PARD3: variants seen among roughly 807,000 people sequenced by gnomAD.
PARD3 encodes partitioning defective 3 homolog.
A neutral mutation model predicts 155.4 loss-of-function variants in PARD3; 75 were observed. The observed-to-expected ratio is 0.48, with a 90% confidence interval of 0.40 to 0.58. PARD3 has a LOEUF of 0.58. Among genes scored for constraint, PARD3 ranks in the 20% least tolerant of loss-of-function variants. The pLI is 0.00. For synonymous variants in PARD3, 576 were observed against 610.5 expected (o/e 0.94, Z 0.83); for missense variants, 1,642 against 1,721.7 (o/e 0.95, Z 0.82).
intron 3 of PARD3, among the ~76,000 whole-genome samples, chr10:34,499,491 TGAA>T (rs1000161559): frequency 2.0e-5 from 3 of 152,032 alleles, no homozygotes; most frequent in African/African-American, 7.2e-5. Context: ...GTATACAAAT[TGAA>T]ACAGATTTTT....
At chr10:34,423,310 G>T (rs540822869) in intron 5 of PARD3, among the ~76,000 whole-genome samples, 2 of 152,160 alleles carry the variant, frequency 1.3e-5, no homozygotes, top group Admixed American at 6.5e-5. Flanking sequence ...TGGTTACCTG[G>T]GGTTAGGGGG....
At chr10:34,312,280 ATTGT>A (rs1399001435) in intron 20 of PARD3, 45 of 1,605,636 alleles carry the variant, frequency 2.8e-5, no homozygotes, top group Non-Finnish European at 3.3e-5. Flanking sequence ...AAGTAAATTT[ATTGT>A]TTGTTTAAAA....
intron 3 of PARD3, among the ~76,000 whole-genome samples, chr10:34,478,834 C>T (rs1343534592): frequency 6.6e-6 from 1 of 152,104 alleles, no homozygotes; most frequent in Non-Finnish European, 1.5e-5. Flanking sequence ...TGAATATATG[C>T]AATTTTCTAA....
At chr10:34,805,645 A>T (rs540344621) in intron 1 of PARD3, among the ~76,000 whole-genome samples, 1 of 151,360 alleles carries the variant, frequency 6.6e-6, no homozygotes, top group Non-Finnish European at 1.5e-5. Flanking sequence ...TCTGAGCATG[A>T]TGTGATTTAC....
chr10:34,372,924 AACAGTTTGAACC>A (rs1239555023), intron 11 of PARD3, among the ~76,000 whole-genome samples: 2 of 152,168 alleles, frequency 1.3e-5, no homozygotes, highest in African/African-American at 2.4e-5. Context: ...ACCAGATAAT[AACAGTTTGAACC>A]ACAGTCTGAA....
chr10:34,261,721 G>A (rs7908019), intron 22 of PARD3, among the ~76,000 whole-genome samples: 55,102 of 103,340 alleles, frequency 0.53, 12,920 homozygotes, highest in Middle Eastern at 0.63. Flanking sequence ...AGGAAGAAAG[G>A]AAGAAAGGAA....
intron 22 of PARD3, among the ~76,000 whole-genome samples, chr10:34,177,408 A>G (rs1176609117): frequency 6.6e-6 from 1 of 152,168 alleles, no homozygotes; most frequent in African/African-American, 2.4e-5. Flanking sequence ...ATCTGATGGA[A>G]TAAGATAAAA....
chr10:34,349,268 G>T (rs1056780875), intron 14 of PARD3, among the ~76,000 whole-genome samples: 1 of 151,974 alleles, frequency 6.6e-6, no homozygotes, highest in Non-Finnish European at 1.5e-5. Context: ...ATGAAGTTTC[G>T]AATTGTAGAC....
chr10:34,232,131 T>C (rs1952965844), intron 22 of PARD3, among the ~76,000 whole-genome samples: 1 of 152,140 alleles, frequency 6.6e-6, no homozygotes, highest in South Asian at 2.1e-4. Context: ...AGGTTAATGC[T>C]GCTGAGATAA....
chr10:34,542,626 C>A (rs1314737084), intron 2 of PARD3, among the ~76,000 whole-genome samples: 1 of 152,166 alleles, frequency 6.6e-6, no homozygotes, highest in African/African-American at 2.4e-5. Context: ...TTGCCTTAAG[C>A]AAAATCTGAT....
intron 22 of PARD3, among the ~76,000 whole-genome samples, chr10:34,172,536 T>A (rs1276659434): frequency 6.6e-6 from 1 of 152,104 alleles, no homozygotes; most frequent in African/African-American, 2.4e-5. Flanking sequence ...CTTTTAAAAA[T>A]GCAAATTTTG....
intron 1 of PARD3, among the ~76,000 whole-genome samples, chr10:34,774,168 C>A (rs892926407): frequency 6.6e-6 from 1 of 152,164 alleles, no homozygotes; most frequent in Non-Finnish European, 1.5e-5. Context: ...AACAGCAAAA[C>A]ATACCTGACT....
chr10:34,534,915 G>A (rs996476644), intron 2 of PARD3, among the ~76,000 whole-genome samples: 1 of 152,170 alleles, frequency 6.6e-6, no homozygotes, highest in Non-Finnish European at 1.5e-5. Context: ...AGGAGGCTGA[G>A]GCAGGGGAAT....
chr10:34,486,353 T>C (rs748984990), intron 3 of PARD3, among the ~76,000 whole-genome samples: 8 of 152,176 alleles, frequency 5.3e-5, no homozygotes, highest in Non-Finnish European at 1.2e-4. Context: ...AATGGGTCCA[T>C]TCAGTTGGTT....
At chr10:34,145,213 A>ATTTTTTTTTTT (rs1564429829) in intron 22 of PARD3, among the ~76,000 whole-genome samples, 1 of 64,042 alleles carries the variant, frequency 1.6e-5, no homozygotes. Flanking sequence ...ATATATATAT[A>ATTTTTTTTTTT]TATATATATT....
intron 22 of PARD3, among the ~76,000 whole-genome samples, chr10:34,210,803 A>G (rs1027975487): frequency 6.6e-6 from 1 of 152,128 alleles, no homozygotes; most frequent in Non-Finnish European, 1.5e-5. Flanking sequence ...TCAGTGCACA[A>G]TGGTCATTTA....
intron 3 of PARD3, among the ~76,000 whole-genome samples, chr10:34,475,587 A>T (rs1318049995): frequency 1.3e-5 from 2 of 152,194 alleles, no homozygotes; most frequent in African/African-American, 4.8e-5. Flanking sequence ...ACTTCTACCC[A>T]CGAGAAATTC....
intron 22 of PARD3, among the ~76,000 whole-genome samples, chr10:34,167,506 T>TA (rs142809627): frequency 0.018 from 2,547 of 145,398 alleles, 77 homozygotes; most frequent in African/African-American, 0.06. Context: ...TATGAAACAT[T>TA]AAAAAAAAAA....
At chr10:34,762,803 G>A (rs1046936555) in intron 1 of PARD3, among the ~76,000 whole-genome samples, 1 of 152,202 alleles carries the variant, frequency 6.6e-6, no homozygotes, top group African/African-American at 2.4e-5. Flanking sequence ...CCATAGACAT[G>A]ACTTCTAGGG....
Sources: allele counts gnomAD v4.1 joint callset (sites outside exome capture counted in the v4.1 genomes callset), GRCh38; gene constraint gnomAD v4.1.1; transcripts MANE v1.5; gene names NCBI Gene and HGNC (gene_info 2026-07-23, HGNC 2026-07-21).